WWOX: variants seen among roughly 807,000 people sequenced by gnomAD.
The protein encoded by WWOX is WW domain-containing oxidoreductase.
In WWOX, 69 loss-of-function variants were observed where a neutral mutation model predicts 46.2. The observed-to-expected ratio is 1.49, with a 90% CI of 1.23 to 1.82. WWOX has a LOEUF of 1.82. Ranked by LOEUF, WWOX falls within the 40% of genes most tolerant of loss-of-function variation. WWOX has a pLI of 0.00. For missense variants in WWOX, 919 were observed against 542.6 expected (o/e 1.69, Z -6.89); for synonymous variants, 359 against 202.6 (o/e 1.77, Z -6.56).
chr16:78,318,831 A>G (rs2080407723), intron 5 of WWOX, among the ~76,000 whole-genome samples: 1 of 152,194 alleles, frequency 6.6e-6, no homozygotes, highest in Non-Finnish European at 1.5e-5. Flanking sequence ...CTCCTTATAT[A>G]ACTACAGTAC....
At chr16:78,210,149 G>C (rs1157503173) in intron 5 of WWOX, among the ~76,000 whole-genome samples, 1 of 152,114 alleles carries the variant, frequency 6.6e-6, no homozygotes, top group Non-Finnish European at 1.5e-5. Context: ...CATTACAAGG[G>C]TGATAGGTTT....
At chr16:78,789,756 C>T (rs16948478) in intron 8 of WWOX, among the ~76,000 whole-genome samples, 2,542 of 152,276 alleles carry the variant, frequency 0.017, 67 homozygotes, top group African/African-American at 0.058. Context: ...GGTTGGCCAG[C>T]TCCCAAACAC....
Position 78,441,667 on chromosome 16 carries a change from G to A in WWOX, c.1056+8915G>A, listed in dbSNP as rs187786617. Among the ~76,000 whole-genome samples, 616 of 152,202 alleles carry A rather than the reference G, an allele frequency of 4.0e-3. 5 individuals are homozygous for A. Among genetic ancestry groups the A allele is most frequent in the African/African-American group, 0.014 (588 of 41,536 alleles). On this transcript the variant is annotated intron_variant, in intron 8 of 8. Coordinates refer to ENST00000566780, the MANE Select transcript of WWOX (RefSeq NM_016373.4). ...AGCTCTCTCCCATTCTAACTCTTGG[G>A]CAAGGTTCAAAACCTGATTAAGATT...
intron 8 of WWOX, among the ~76,000 whole-genome samples, chr16:79,052,782 G>A (rs182443710): frequency 6.6e-6 from 1 of 152,284 alleles, no homozygotes; most frequent in African/African-American, 2.4e-5. Flanking sequence ...GCCTTGCTGA[G>A]GAAATTAAAT....
chr16:78,562,227 A>G (rs183555552), intron 8 of WWOX, among the ~76,000 whole-genome samples: 25 of 152,284 alleles, frequency 1.6e-4, no homozygotes, highest in Middle Eastern at 3.4e-3. Context: ...AGGAAATAAG[A>G]GCCTCGCGAG....
intron 8 of WWOX, among the ~76,000 whole-genome samples, chr16:78,678,349 C>G (rs1355730860): frequency 6.6e-6 from 1 of 152,166 alleles, no homozygotes; most frequent in Admixed American, 6.5e-5. Flanking sequence ...GCACTTCAGC[C>G]TGGGCAACAG....
chr16:78,483,990 A>T (rs2084564483), intron 8 of WWOX, among the ~76,000 whole-genome samples: 1 of 152,150 alleles, frequency 6.6e-6, no homozygotes, highest in Admixed American at 6.5e-5. Context: ...AAAATGGCTT[A>T]CCTTACTTTT....
chr16:78,578,480 A>G (rs1041753243), intron 8 of WWOX, among the ~76,000 whole-genome samples: 6 of 151,004 alleles, frequency 4.0e-5, no homozygotes, highest in African/African-American at 9.8e-5. Flanking sequence ...TAATAGAGAC[A>G]GGGTTTCACC....
chr16:78,716,632 G>A (rs940149685), intron 8 of WWOX, among the ~76,000 whole-genome samples: 4 of 151,980 alleles, frequency 2.6e-5, no homozygotes, highest in Non-Finnish European at 5.9e-5. Flanking sequence ...TATAGGTTCT[G>A]TGATAACGCT....
intron 8 of WWOX, among the ~76,000 whole-genome samples, chr16:79,137,832 G>A (rs2050012341): frequency 6.6e-6 from 1 of 152,008 alleles, no homozygotes; most frequent in Non-Finnish European, 1.5e-5. Flanking sequence ...TCAGGCTTCT[G>A]GCCCCGTCCT....
At chr16:78,207,759 TA>T (rs1044607959) in intron 5 of WWOX, among the ~76,000 whole-genome samples, 6 of 116,122 alleles carry the variant, frequency 5.2e-5, no homozygotes, top group African/African-American at 2.1e-4. Flanking sequence ...AAGACCCTAT[TA>T]CAAAAAAAAA....
chr16:78,926,022 CTA>C (rs940076167), intron 8 of WWOX, among the ~76,000 whole-genome samples: 1 of 152,168 alleles, frequency 6.6e-6, no homozygotes, highest in African/African-American at 2.4e-5. Context: ...ATTGTAGAGT[CTA>C]TGAACAATTC....
chr16:79,075,818 G>A (rs539079963), intron 8 of WWOX, among the ~76,000 whole-genome samples: 9 of 152,082 alleles, frequency 5.9e-5, no homozygotes, highest in Non-Finnish European at 1.2e-4. Context: ...CATATACCTC[G>A]GCAGCCTGTT....
chr16:78,118,510 AT>A (rs979510410), intron 4 of WWOX, among the ~76,000 whole-genome samples: 2 of 151,912 alleles, frequency 1.3e-5, no homozygotes, highest in Non-Finnish European at 1.5e-5. Flanking sequence ...TGTAAGTAGA[AT>A]TTTTTTTGGA....
chr16:78,210,695 G>C (rs2036533937), intron 5 of WWOX, among the ~76,000 whole-genome samples: 1 of 152,144 alleles, frequency 6.6e-6, no homozygotes, highest in African/African-American at 2.4e-5. Context: ...GATTTCCCCT[G>C]TTTTTCCTTA....
At chr16:78,776,573 T>C (rs964964091) in intron 8 of WWOX, among the ~76,000 whole-genome samples, 1 of 152,216 alleles carries the variant, frequency 6.6e-6, no homozygotes, top group Non-Finnish European at 1.5e-5. Flanking sequence ...CTTTATGGAA[T>C]GAACAGATTT....
chr16:78,453,296 G>T (rs894141365), intron 8 of WWOX, among the ~76,000 whole-genome samples: 1 of 151,872 alleles, frequency 6.6e-6, no homozygotes, highest in African/African-American at 2.4e-5. Flanking sequence ...TGGTAGCGGT[G>T]CCTGTAATCC....
rs1306336548 is a variant in WWOX at position 78,827,051 on chromosome 16, G to T, written c.1057-384557G>T. ...CCCCACATGTTATAGATGGTGCAAG[G>T]GAACCAGAGAGCTTTGATCCCTGGT... On this transcript the variant is annotated intron_variant, in intron 8 of 8. Transcript: ENST00000566780. Among the ~76,000 whole-genome samples, 3 of 152,114 alleles carry T rather than the reference G, an allele frequency of 2.0e-5. 1 individual carries two copies. The highest frequency in any genetic ancestry group is 4.1e-4 in the South Asian group (2 of 4,828).
intron 8 of WWOX, among the ~76,000 whole-genome samples, chr16:78,463,926 A>C (rs1235953177): frequency 6.6e-6 from 1 of 152,152 alleles, no homozygotes; most frequent in Non-Finnish European, 1.5e-5. Flanking sequence ...TTCAATTTGT[A>C]CTGCTGGTGG....
Sources: allele counts gnomAD v4.1 joint callset (sites outside exome capture counted in the v4.1 genomes callset), GRCh38; gene constraint gnomAD v4.1.1; transcripts MANE v1.5; gene names NCBI Gene and HGNC (gene_info 2026-07-23, HGNC 2026-07-21).